SNAPC5: variants seen among roughly 807,000 people sequenced by gnomAD.
The protein encoded by SNAPC5 is small nuclear RNA activating complex polypeptide 5.
In SNAPC5, 12 loss-of-function variants were observed where a neutral mutation model predicts 9.1. The ratio of observed to expected loss-of-function variants is 1.32; its 90% CI spans 0.85 to 2.15. SNAPC5 has a LOEUF of 2.15. Ranked by LOEUF, SNAPC5 falls within the 30% of genes most tolerant of loss-of-function variation. The probability of loss-of-function intolerance (pLI) is 0.00; values close to 1 mark genes in which losing one functional copy is unlikely to be tolerated. For synonymous variants in SNAPC5, 52 were observed against 47.3 expected (o/e 1.10, Z -0.41); for missense variants, 132 against 114.4 (o/e 1.15, Z -0.70).
At chr15:66,490,387 C>T, downstream of SNAPC5, 2 of 820,150 alleles carry the variant, frequency 2.4e-6, no homozygotes, top group Non-Finnish European at 2.1e-6. Context: ...GTGCCAGGTG[C>T]TCTTTCCAAG....
Position 66,495,422 on chromosome 15 carries a change from A to G in SNAPC5, c.91-3T>C, listed in dbSNP as rs769153777. On this transcript the variant is annotated splice_polypyrimidine_tract_variant and splice_region_variant and intron_variant, in intron 1 of 2. Coordinates refer to ENST00000316634, the MANE Select transcript of SNAPC5 (RefSeq NM_001329615.2). ...GATTGGAGGGCTAATTCTTCAACCT[A>G]GAAAAGAAGAGTTGAGGACACTTTT... 20 of 1,555,246 alleles carry G rather than the reference A, an allele frequency of 1.3e-5. No individual in the cohort carries two copies. In the South Asian group the frequency reaches 2.2e-4, roughly 17 times the overall value.
downstream of SNAPC5, among the ~76,000 whole-genome samples, chr15:66,492,724 T>A (rs1893295903): frequency 6.6e-6 from 1 of 152,112 alleles, no homozygotes; most frequent in South Asian, 2.1e-4. Context: ...AGAATTATGA[T>A]CCCCGCATGA....
intron 1 of SNAPC5, 146 bp from the exon 2 acceptor site, chr15:66,495,565 G>T: frequency 1.6e-6 from 1 of 614,532 alleles, no homozygotes; most frequent in Non-Finnish European, 2.9e-6. Flanking sequence ...AAGTTGAGGG[G>T]GTAGGCTCTT....
At chr15:66,491,438 A>C (rs1030374268), downstream of SNAPC5, 1 of 226,338 alleles carries the variant, frequency 4.4e-6, no homozygotes, top group Non-Finnish European at 8.8e-6. Context: ...TATAGTGCCT[A>C]AAATTGTATG....
chr15:66,497,679 A>C lies in SNAPC5; in HGVS notation c.53T>G (p.Leu18Trp), dbSNP rs1421493369. The C allele has an allele frequency of 1.9e-6, 3 of 1,613,942 alleles. No homozygotes were observed. Among genetic ancestry groups the C allele is most frequent in the Non-Finnish European group, 1.7e-6 (2 of 1,180,004 alleles). Residue 18 changes from leucine to tryptophan, a missense_variant, in exon 1 of 3, where the codon TTG (leucine) becomes TGG (tryptophan). Transcript: ENST00000316634. ...LRKEEETLLR[L>W]KAALHDQLNR... ...CAGCTGGTCGTGCAGGGCTGCCTTC[A>C]ACCGCAGCAGCGTCTCCTCCTCCTT... is the stretch of plus-strand genomic sequence containing the variant.
chr15:66,495,949 G>GC (rs1381569632), intron 1 of SNAPC5, among the ~76,000 whole-genome samples: 1 of 152,182 alleles, frequency 6.6e-6, no homozygotes, highest in African/African-American at 2.4e-5. Context: ...GAGGCCGGGC[G>GC]CGGTGGCTCA....
At chr15:66,491,789 T>C (rs1007221010), downstream of SNAPC5, 9 of 366,270 alleles carry the variant, frequency 2.5e-5, no homozygotes, top group African/African-American at 1.5e-4. Context: ...GTGGGACCTG[T>C]GAATAGATCC....
Position 66,494,542 on chromosome 15 carries a change from T to C in SNAPC5, c.191A>G (p.His64Arg). 1 of 1,612,968 alleles carries C rather than the reference T, an allele frequency of 6.2e-7. No homozygotes were observed. The highest frequency in any genetic ancestry group is 8.5e-7 in the Non-Finnish European group (1 of 1,179,010). Residue 64 changes from histidine (H) to arginine (R), a missense_variant, in exon 3 of 3, where the codon CAT becomes CGT. By Grantham distance (29) the His-to-Arg change is conservative. Coordinates refer to ENST00000316634, the MANE Select transcript of SNAPC5 (RefSeq NM_001329615.2). ...VPEQSHDMLVHVDNEASINQT... is the reference protein window; with the variant it reads ...VPEQSHDMLVRVDNEASINQT... ...GTTGATTGATGCTTCATTGTCTACA[T>C]GCACCAACATCTGTATTGGCCAAGG... is the stretch of plus-strand genomic sequence containing the variant.
At chr15:66,494,627 T>G in intron 2 of SNAPC5, 75 bp from the exon 3 acceptor site, 1 of 1,021,202 alleles carries the variant, frequency 9.8e-7, no homozygotes, top group Non-Finnish European at 1.5e-6. Flanking sequence ...AAAAATGACT[T>G]AAAATCAGAT....
chr15:66,496,722 G>A (rs1313399971), intron 1 of SNAPC5, among the ~76,000 whole-genome samples: 2 of 152,060 alleles, frequency 1.3e-5, no homozygotes, highest in Non-Finnish European at 2.9e-5. Context: ...CGGCCGCAGT[G>A]GCTCACGCCT....
At chr15:66,491,958 T>C (rs1019728751), downstream of SNAPC5, 3 of 456,646 alleles carry the variant, frequency 6.6e-6, no homozygotes, top group East Asian at 1.4e-4. Context: ...ACTTTTAGGC[T>C]GTCATGCTCA....
chr15:66,490,285 C>T (rs1264349735), downstream of SNAPC5: 1 of 680,768 alleles, frequency 1.5e-6, no homozygotes, highest in Non-Finnish European at 2.7e-6. Flanking sequence ...GAGTAGGCTC[C>T]AAGAGGTGAC....
intron 1 of SNAPC5, chr15:66,496,963 C>G: frequency 6.5e-6 from 1 of 154,962 alleles, no homozygotes; most frequent in Middle Eastern, 5.2e-4. Context: ...TGCACTCCAG[C>G]CTGGGCGATA....
At chr15:66,490,982 T>C (rs1893238432), downstream of SNAPC5, 1 of 435,546 alleles carries the variant, frequency 2.3e-6, no homozygotes. Context: ...CGGGATTCTT[T>C]GACATTTGGT....
At chr15:66,496,375 G>A (rs867903514) in intron 1 of SNAPC5, among the ~76,000 whole-genome samples, 1 of 152,300 alleles carries the variant, frequency 6.6e-6, no homozygotes, top group South Asian at 2.1e-4. Context: ...TGAGACAGGA[G>A]AATCCCTTGA....
At chr15:66,490,033 A>C, downstream of SNAPC5, 3 of 572,506 alleles carry the variant, frequency 5.2e-6, no homozygotes, top group Non-Finnish European at 6.2e-6. Context: ...CACCCCCTTC[A>C]TGGGGATGCG....
Position 66,494,236 on chromosome 15 carries a change from T to C in SNAPC5, c.*200A>G, listed in dbSNP as rs1477354911. 3.3e-6 allele frequency: 2 copies of C among 609,092 alleles called. No individual in the cohort carries two copies. The highest frequency in any genetic ancestry group is 5.0e-5 in the Admixed American group (2 of 39,842). 37.7% of individuals were successfully genotyped at this position (609,092 alleles called of 1,614,324 possible). On this transcript the variant is annotated 3_prime_UTR_variant, in exon 3 of 3. Coordinates refer to ENST00000316634, the MANE Select transcript of SNAPC5 (RefSeq NM_001329615.2). ...TACTCAATGCTAAGACACAGCATCT[T>C]TGATTTTCTGTATGTCATAACATTC... is the stretch of plus-strand genomic sequence containing the variant.
At chr15:66,491,671 A>G (rs1893263763), downstream of SNAPC5, 1 of 234,370 alleles carries the variant, frequency 4.3e-6, no homozygotes, top group Admixed American at 5.5e-5. Flanking sequence ...CAGGACACCG[A>G]GTTCAGTGCT....
intron 1 of SNAPC5, 45 bp downstream of exon 1, chr15:66,497,597 G>C: frequency 6.4e-7 from 1 of 1,557,378 alleles, no homozygotes; most frequent in Non-Finnish European, 8.9e-7. Context: ...GGAAATGGTC[G>C]CTCGGGAGGA....
Sources: allele counts gnomAD v4.1 joint callset (sites outside exome capture counted in the v4.1 genomes callset), GRCh38; gene constraint gnomAD v4.1.1; transcripts MANE v1.5; gene names NCBI Gene and HGNC (gene_info 2026-07-23, HGNC 2026-07-21).